The following DNAH11 variants were observed in gnomAD, a reference collection of about 807,000 sequenced individuals.
The protein encoded by DNAH11 is axonemal beta dynein heavy chain 11.
A neutral mutation model predicts 526.0 loss-of-function variants in DNAH11; 442 were observed. That is an observed-to-expected ratio of 0.84 (90% CI 0.78 to 0.91). DNAH11 has a LOEUF of 0.91. Ranked by LOEUF, DNAH11 falls within the 40% of genes least tolerant of loss-of-function variation. DNAH11 has a pLI of 0.00. For synonymous variants in DNAH11, 2,461 were observed against 1,935.9 expected, an observed-to-expected ratio of 1.27 and a Z score of -7.12; for missense variants, 6,989 against 5,448.7, an observed-to-expected ratio of 1.28 and a Z score of -8.90.
intron 65 of DNAH11, among the ~76,000 whole-genome samples, chr7:21,835,202 C>A (rs1263852049): frequency 1.3e-5 from 2 of 148,874 alleles, no homozygotes; most frequent in East Asian, 3.9e-4. Flanking sequence ...AGAACTAATA[C>A]CAATCCTTTT....
In DNAH11 at chr7:21,618,879, C is replaced by T. The variant is rs145715584; in HGVS notation, c.4255-221C>T. ...GTGAAACAAAGAAAATAGTGTAGCA[C>T]GGATGTGACTAAACTGTGGCCCTTG... is the stretch of plus-strand genomic sequence containing the variant. On this transcript the variant is annotated intron_variant, in intron 23 of 81. Coordinates refer to ENST00000409508, the MANE Select transcript of DNAH11 (RefSeq NM_001277115.2). Among the ~76,000 whole-genome samples the T allele has an allele frequency of 1.1e-4, 17 of 152,194 alleles. No individual in the cohort carries two copies. In the East Asian group the frequency reaches 1.5e-3, roughly 14 times the overall value.
intron 20 of DNAH11, among the ~76,000 whole-genome samples, chr7:21,614,073 A>G (rs544622690): frequency 6.6e-6 from 1 of 152,206 alleles, no homozygotes; most frequent in African/African-American, 2.4e-5. Context: ...CACTGTGCCC[A>G]GCCTCGCAAT....
chr7:21,554,669 G>C (rs1718834360), intron 2 of DNAH11, among the ~76,000 whole-genome samples: 1 of 152,136 alleles, frequency 6.6e-6, no homozygotes, highest in Admixed American at 6.5e-5. Flanking sequence ...CTGGATTCTA[G>C]GAATTGGTTC....
intron 30 of DNAH11, among the ~76,000 whole-genome samples, chr7:21,676,701 A>G (rs987507273): frequency 1.5e-4 from 23 of 152,232 alleles, no homozygotes; most frequent in African/African-American, 5.5e-4. Context: ...ATGCGTGTGA[A>G]TGCACTTACA....
chr7:21,680,872 G>A (rs1354480900), intron 30 of DNAH11, among the ~76,000 whole-genome samples: 2 of 152,142 alleles, frequency 1.3e-5, no homozygotes, highest in East Asian at 3.8e-4. Flanking sequence ...AATATAATTT[G>A]TCATTTAGCT....
intron 42 of DNAH11, among the ~76,000 whole-genome samples, chr7:21,713,604 C>G (rs1406961528): frequency 2.0e-5 from 3 of 152,142 alleles, no homozygotes; most frequent in Non-Finnish European, 2.9e-5. Context: ...TCCTCTACTT[C>G]TTGCCCACAC....
At chr7:21,673,620 T>C (rs759696746) in intron 30 of DNAH11, among the ~76,000 whole-genome samples, 27 of 152,180 alleles carry the variant, frequency 1.8e-4, no homozygotes, top group Non-Finnish European at 1.0e-4. Context: ...TCTTTCCTCC[T>C]GTTTCTTCGG....
rs116567043 is a variant in DNAH11, at chr7:21,685,194, G to A, written c.5621+1250G>A. Among the ~76,000 whole-genome samples, 1,172 of 152,320 alleles carry A rather than the reference G, an allele frequency of 7.7e-3. 19 individuals carry two copies. Among genetic ancestry groups the A allele is most frequent in the African/African-American group, 0.027 (1,115 of 41,576 alleles). Reference sequence around the variant, plus strand: ...TTAGTTAATTTATGCATTGCTTTCAGTGAGAGGGATTAAAATTGTAGCTTG... The same window carrying A: ...TTAGTTAATTTATGCATTGCTTTCAATGAGAGGGATTAAAATTGTAGCTTG... On this transcript the variant is annotated intron_variant, in intron 32 of 81. Transcript: ENST00000409508.
At chr7:21,766,433 A>T (rs745875313) in intron 55 of DNAH11, among the ~76,000 whole-genome samples, 2 of 152,176 alleles carry the variant, frequency 1.3e-5, no homozygotes, top group Admixed American at 6.5e-5. Flanking sequence ...TAGGTCAGAC[A>T]CTGAAAGTGA....
chr7:21,862,729 T>G (rs1783113034), intron 69 of DNAH11, among the ~76,000 whole-genome samples: 1 of 152,210 alleles, frequency 6.6e-6, no homozygotes, highest in African/African-American at 2.4e-5. Context: ...CAGTGAAACC[T>G]GCTTCCTTTT....
rs73271654 is a variant in DNAH11 at position 21,646,972 on chromosome 7, G to C, written c.4944+7907G>C. On this transcript the variant is annotated intron_variant, in intron 28 of 81. Coordinates refer to ENST00000409508, the MANE Select transcript of DNAH11 (RefSeq NM_001277115.2). The stretch of plus-strand genomic sequence containing the variant: ...GAAGAAATAGGAATATTCAACCCAT[G>C]AAAAAAGAGACAAATCAAAACTGAC... 7.4e-3 allele frequency among the ~76,000 whole-genome samples: 1,133 copies of C among 152,166 alleles called. 16 individuals are homozygous for C. The highest frequency in any genetic ancestry group is 0.026 in the African/African-American group (1,080 of 41,516).
intron 51 of DNAH11, among the ~76,000 whole-genome samples, chr7:21,747,898 A>C (rs1446089001): frequency 6.6e-6 from 1 of 152,220 alleles, no homozygotes; most frequent in East Asian, 1.9e-4. Context: ...TGATGTCCTC[A>C]TACTTGGGTG....
chr7:21,639,135 G>T (rs1787008298), intron 28 of DNAH11, 70 bp downstream of exon 28: 1 of 1,478,556 alleles, frequency 6.8e-7, no homozygotes, highest in South Asian at 1.4e-5. Flanking sequence ...CTCTATCATT[G>T]TCAAATGCTA....
chr7:21,708,808 A>G (rs1169086805), intron 40 of DNAH11, among the ~76,000 whole-genome samples: 3 of 152,180 alleles, frequency 2.0e-5, no homozygotes, highest in Non-Finnish European at 2.9e-5. Flanking sequence ...ATCTTATTTC[A>G]GCATCTGGTG....
chr7:21,560,264 A>G (rs1783399871), intron 4 of DNAH11, among the ~76,000 whole-genome samples: 1 of 152,208 alleles, frequency 6.6e-6, no homozygotes, highest in Non-Finnish European at 1.5e-5. Context: ...TTTATATGGA[A>G]AAATTAATAT....
intron 45 of DNAH11, among the ~76,000 whole-genome samples, chr7:21,733,163 G>C (rs547965621): frequency 4.5e-4 from 68 of 152,322 alleles, no homozygotes; most frequent in African/African-American, 1.6e-3. Flanking sequence ...GAGGTGGGTG[G>C]ATCACCTGAG....
chr7:21,601,371 A>C (rs376652582), intron 17 of DNAH11, 25 bp from the exon 18 acceptor site: 10 of 1,583,492 alleles, frequency 6.3e-6, no homozygotes, highest in Non-Finnish European at 8.6e-6. Flanking sequence ...ATTTGTGTGT[A>C]TCTATGTACA....
At chr7:21,837,772 A>G (rs1252263104) in intron 65 of DNAH11, among the ~76,000 whole-genome samples, 2 of 152,182 alleles carry the variant, frequency 1.3e-5, no homozygotes, top group Non-Finnish European at 2.9e-5. Flanking sequence ...TCTGTAGCAC[A>G]GTAGGGTGAC....
intron 56 of DNAH11, among the ~76,000 whole-genome samples, chr7:21,775,575 C>T (rs537215508): frequency 6.6e-6 from 1 of 151,040 alleles, no homozygotes; most frequent in Non-Finnish European, 1.5e-5. Flanking sequence ...TTGAGTGGGT[C>T]ACTGAACTCC....
Sources: allele counts gnomAD v4.1 joint callset (sites outside exome capture counted in the v4.1 genomes callset), GRCh38; gene constraint gnomAD v4.1.1; transcripts MANE v1.5; gene names NCBI Gene and HGNC (gene_info 2026-07-23, HGNC 2026-07-21).